BLTP1: variants seen among roughly 807,000 people sequenced by gnomAD.
The protein encoded by BLTP1 is bridge-like lipid transfer protein family member 1.
the BLTP1 span, chr4:122,187,284 G>T: frequency 1.4e-6 from 2 of 1,381,864 alleles, no homozygotes; most frequent in South Asian, 1.9e-5. Context: ...TCCTTCAGAT[G>T]ATCATTGTTC....
the BLTP1 span, among the ~76,000 whole-genome samples, chr4:122,159,033 G>C: frequency 6.6e-6 from 1 of 152,218 alleles, no homozygotes; most frequent in South Asian, 2.1e-4. Context: ...TATTTCTTTT[G>C]CCTAGTATTT....
chr4:122,311,171 T>G, the BLTP1 span, among the ~76,000 whole-genome samples: 1 of 152,118 alleles, frequency 6.6e-6, no homozygotes, highest in African/African-American at 2.4e-5. Flanking sequence ...GCATAAGATA[T>G]AAAATGAGAA....
the BLTP1 span, chr4:122,353,248 A>T: frequency 1.0e-5 from 16 of 1,526,792 alleles, no homozygotes; most frequent in Non-Finnish European, 1.2e-5. The surrounding 1 kb of genome is among the most constrained non-coding windows in gnomAD (Gnocchi z 4.3). Context: ...TCTGTTTGTT[A>T]TCATGTATCT....
the BLTP1 span, among the ~76,000 whole-genome samples, chr4:122,164,796 G>A: frequency 2.6e-5 from 4 of 151,500 alleles, no homozygotes; most frequent in African/African-American, 2.4e-5. Context: ...GTAATCAAAT[G>A]TTAATACAAA....
chr4:122,171,988 A>G, the BLTP1 span: 2 of 908,416 alleles, frequency 2.2e-6, no homozygotes, highest in South Asian at 1.0e-4. Context: ...TACTGTTGAC[A>G]CAGTGATTTA....
At chr4:122,324,512 C>G in the BLTP1 span, 2 of 1,610,220 alleles carry the variant, frequency 1.2e-6, no homozygotes, top group African/African-American at 1.3e-5. Context: ...GGAAGACCAC[C>G]TCTTAAGCGA....
At chr4:122,353,183 T>C in the BLTP1 span, 2 of 1,608,106 alleles carry the variant, frequency 1.2e-6, no homozygotes, top group East Asian at 4.5e-5. This position sits in a 1 kb window ranked among gnomAD's most constrained non-coding sequence, Gnocchi z 4.3. Context: ...CAGCTTTTAC[T>C]TTCTCCTATC....
chr4:122,273,739 T>G, the BLTP1 span, among the ~76,000 whole-genome samples: 3 of 152,092 alleles, frequency 2.0e-5, no homozygotes, highest in African/African-American at 4.8e-5. Flanking sequence ...TGAAAAGATA[T>G]CTGTACAAAG....
the BLTP1 span, chr4:122,152,488 G>A: frequency 1.0e-6 from 1 of 985,854 alleles, no homozygotes; most frequent in African/African-American, 1.7e-5. Context: ...ATCCGGCTCG[G>A]TGCTGCTGCC....
the BLTP1 span, chr4:122,188,949 T>C: frequency 1.0e-6 from 1 of 985,294 alleles, no homozygotes; most frequent in Non-Finnish European, 1.2e-6. Flanking sequence ...GGGTTTTTCC[T>C]TTTTGAGTAT....
the BLTP1 span, chr4:122,281,624 G>C: frequency 6.2e-7 from 1 of 1,613,160 alleles, no homozygotes; most frequent in South Asian, 1.1e-5. Context: ...TGAAACAAAT[G>C]AATTTCCTCA....
At chr4:122,181,257 C>T in the BLTP1 span, 8 of 967,412 alleles carry the variant, frequency 8.3e-6, no homozygotes, top group East Asian at 9.2e-4. Context: ...TTTAAAAGAG[C>T]TATACTGGAC....
the BLTP1 span, among the ~76,000 whole-genome samples, chr4:122,166,059 C>A: frequency 6.6e-6 from 1 of 152,042 alleles, no homozygotes; most frequent in African/African-American, 2.4e-5. Flanking sequence ...TTTTGCTGTG[C>A]AGAAGCTCTT....
At chr4:122,203,849 TAAAG>T in the BLTP1 span, 10 of 519,734 alleles carry the variant, frequency 1.9e-5, no homozygotes, top group Non-Finnish European at 2.5e-5. Flanking sequence ...CATGAGTTGT[TAAAG>T]AATAAAATAA....
At chr4:122,336,967 A>G in the BLTP1 span, 14 of 1,612,350 alleles carry the variant, frequency 8.7e-6, no homozygotes, top group South Asian at 9.9e-5. Flanking sequence ...GTCGTCTTCA[A>G]CATCTGCTTA....
chr4:122,191,573 G>T, the BLTP1 span, among the ~76,000 whole-genome samples: 1 of 152,158 alleles, frequency 6.6e-6, no homozygotes, highest in African/African-American at 2.4e-5. Context: ...TATTCAAAGT[G>T]CAAGATAGAC....
chr4:122,321,182 T>G, the BLTP1 span, among the ~76,000 whole-genome samples: 1 of 152,090 alleles, frequency 6.6e-6, no homozygotes, highest in Non-Finnish European at 1.5e-5. Context: ...TTACCTCTTT[T>G]GTGCCATCAT....
chr4:122,272,373 A>G, the BLTP1 span: 4 of 1,613,006 alleles, frequency 2.5e-6, no homozygotes. Context: ...AAGAGGATCC[A>G]TGGCAGTTTT....
chr4:122,159,399 G>A, the BLTP1 span, among the ~76,000 whole-genome samples: 1 of 151,578 alleles, frequency 6.6e-6, no homozygotes, highest in Admixed American at 6.6e-5. Context: ...GGAGGCGGAG[G>A]TTGCAGTGAG....
Sources: gnomAD v4.1 joint callset for allele counts (sites outside exome capture counted in the v4.1 genomes callset) on GRCh38, gnomAD v4.1.1 for gene constraint, Gnocchi (gnomAD v3.1) non-coding constraint, MANE v1.5 for transcripts, NCBI Gene and HGNC (gene_info 2026-07-23, HGNC 2026-07-21) for gene names.